PCSK2: variants seen among roughly 807,000 people sequenced by gnomAD.
The protein encoded by PCSK2 is neuroendocrine convertase 2.
In PCSK2, 14 loss-of-function variants were observed where a neutral mutation model predicts 69.7. The observed-to-expected ratio is 0.20, with a 90% CI of 0.13 to 0.31. PCSK2 has a LOEUF of 0.31. Among genes scored for constraint, PCSK2 ranks in the 10% least tolerant of loss-of-function variants. PCSK2 has a pLI of 1.00. For missense variants in PCSK2, 544 were observed against 842.5 expected (o/e 0.65, Z 4.39); for synonymous variants, 307 against 320.7 (o/e 0.96, Z 0.46).
chr20:17,271,991 G>T (rs1408230487), intron 2 of PCSK2, among the ~76,000 whole-genome samples: 1 of 152,056 alleles, frequency 6.6e-6, no homozygotes, highest in East Asian at 1.9e-4. Context: ...TTCCTTAAGG[G>T]AATTCCAAAG....
At chr20:17,255,237 T>C (rs1473001252) in intron 1 of PCSK2, among the ~76,000 whole-genome samples, 1 of 152,250 alleles carries the variant, frequency 6.6e-6, no homozygotes, top group Non-Finnish European at 1.5e-5. Context: ...CTTTGTCTTG[T>C]TCTGGTCTTA....
chr20:17,390,464 C>A (rs2031344092), intron 5 of PCSK2, among the ~76,000 whole-genome samples: 1 of 152,162 alleles, frequency 6.6e-6, no homozygotes, highest in Non-Finnish European at 1.5e-5. Flanking sequence ...GTTTAGAAAT[C>A]AGTTACCACC....
chr20:17,378,020 C>T (rs551059843), intron 5 of PCSK2, among the ~76,000 whole-genome samples: 99 of 152,300 alleles, frequency 6.5e-4, no homozygotes, highest in African/African-American at 2.2e-3. Context: ...ATTGTTCCCA[C>T]TGTGCAAAAT....
intron 8 of PCSK2, among the ~76,000 whole-genome samples, chr20:17,443,876 CT>C (rs1216845238): frequency 2.6e-5 from 4 of 152,200 alleles, no homozygotes; most frequent in Non-Finnish European, 5.9e-5. Flanking sequence ...GCAAGTACAT[CT>C]TTTAGAAAGT....
At chr20:17,350,458 C>A (rs1016697440) in intron 2 of PCSK2, among the ~76,000 whole-genome samples, 2 of 151,888 alleles carry the variant, frequency 1.3e-5, no homozygotes, top group African/African-American at 4.8e-5. Flanking sequence ...TTCTCCTGGC[C>A]CCTCCCACCC....
At chr20:17,306,829 C>G (rs967976236) in intron 2 of PCSK2, among the ~76,000 whole-genome samples, 5 of 152,126 alleles carry the variant, frequency 3.3e-5, no homozygotes, top group Non-Finnish European at 7.4e-5. Context: ...AGATGTCAGA[C>G]CTAATCACAA....
At chr20:17,251,781 T>A (rs540316016) in intron 1 of PCSK2, among the ~76,000 whole-genome samples, 1 of 152,238 alleles carries the variant, frequency 6.6e-6, no homozygotes, top group South Asian at 2.1e-4. Flanking sequence ...CAGGGCACAG[T>A]GGAAATGGCT....
rs2033083810 is a variant in PCSK2, at chr20:17,465,434, A to G, written c.1311A>G (p.Glu437=). The change falls in exon 11 of 12, where the codon GAA becomes GAG. Residue 437 remains glutamate, a synonymous_variant. Coordinates refer to ENST00000262545, the MANE Select transcript of PCSK2 (RefSeq NM_002594.5). The part of the protein sequence containing the change: ...HQWRRNGVGL[E]FNHLFGYGVL... ...GGCGGCGCAATGGGGTCGGCCTGGA[A>G]TTTAATCACCTCTTTGGCTACGGGG... 2 of 1,614,026 alleles carry G rather than the reference A, an allele frequency of 1.2e-6. No homozygotes were observed. The highest frequency in any genetic ancestry group is 1.3e-5 in the African/African-American group (1 of 74,916).
At chr20:17,469,698 G>T (rs1257649470) in intron 11 of PCSK2, among the ~76,000 whole-genome samples, 1 of 152,168 alleles carries the variant, frequency 6.6e-6, no homozygotes, top group Non-Finnish European at 1.5e-5. Context: ...CCGTATGTGA[G>T]AGCAGCCCTA....
At chr20:17,351,697 C>G (rs2029993028) in intron 2 of PCSK2, among the ~76,000 whole-genome samples, 3 of 152,064 alleles carry the variant, frequency 2.0e-5, no homozygotes, top group Admixed American at 6.6e-5. Flanking sequence ...AAACATACCT[C>G]AAAATAATAA....
chr20:17,333,935 A>ATATATATATATATATATATATATATATC (rs1555788994), intron 2 of PCSK2, among the ~76,000 whole-genome samples: 2 of 137,574 alleles, frequency 1.5e-5, no homozygotes, highest in Non-Finnish European at 3.2e-5. Flanking sequence ...ATATATATAT[A>ATATATATATATATATATATATATATATC]TGGCTTCAAA....
chr20:17,464,874 T>G, intron 10 of PCSK2: 2 of 224,306 alleles, frequency 8.9e-6, no homozygotes, highest in East Asian at 2.0e-4. Context: ...CTGGTGAATA[T>G]GTACACATTT....
chr20:17,462,636 G>A (rs1054260452), intron 10 of PCSK2, among the ~76,000 whole-genome samples: 5 of 152,290 alleles, frequency 3.3e-5, no homozygotes, highest in East Asian at 3.9e-4. Flanking sequence ...AGGGACATCC[G>A]TCTGACATGC....
At chr20:17,235,783 T>A (rs1022754391) in intron 1 of PCSK2, among the ~76,000 whole-genome samples, 3 of 152,124 alleles carry the variant, frequency 2.0e-5, no homozygotes, top group African/African-American at 7.2e-5. Flanking sequence ...TCTTAAGATT[T>A]AAACAATGAC....
At chr20:17,446,028 C>T (rs2032693065) in intron 8 of PCSK2, among the ~76,000 whole-genome samples, 1 of 152,190 alleles carries the variant, frequency 6.6e-6, no homozygotes, top group African/African-American at 2.4e-5. Flanking sequence ...GACAGTTGGT[C>T]ACCCACCCTT....
intron 1 of PCSK2, among the ~76,000 whole-genome samples, chr20:17,233,424 G>C (rs928733061): frequency 6.6e-6 from 1 of 152,200 alleles, no homozygotes; most frequent in Non-Finnish European, 1.5e-5. Flanking sequence ...TTGTGAGGGA[G>C]TGACAACTGA....
intron 5 of PCSK2, among the ~76,000 whole-genome samples, chr20:17,381,048 G>A (rs747553745): frequency 6.6e-6 from 1 of 152,204 alleles, no homozygotes. Flanking sequence ...CATTAGAGCG[G>A]TCTGGAGCTT....
intron 2 of PCSK2, among the ~76,000 whole-genome samples, chr20:17,267,271 C>T (rs575039047): frequency 6.6e-6 from 1 of 152,276 alleles, no homozygotes; most frequent in East Asian, 1.9e-4. Context: ...CATCTGTGGC[C>T]AAATTCATTT....
chr20:17,303,507 A>AT (rs1854080985), intron 2 of PCSK2, among the ~76,000 whole-genome samples: 1 of 40,926 alleles, frequency 2.4e-5, no homozygotes, highest in Non-Finnish European at 4.5e-5. Flanking sequence ...TATAATATAT[A>AT]TTATATATAA....
Sources: allele counts gnomAD v4.1 joint callset (sites outside exome capture counted in the v4.1 genomes callset), GRCh38; gene constraint gnomAD v4.1.1; transcripts MANE v1.5; gene names NCBI Gene and HGNC (gene_info 2026-07-23, HGNC 2026-07-21).